Variants in STXBP5L observed in about 807,000 individuals in gnomAD.
The protein encoded by STXBP5L is syntaxin binding protein 5L.
STXBP5L carries 65 observed loss-of-function variants against 144.5 expected under a neutral mutation model. The observed-to-expected ratio is 0.45, with a 90% CI of 0.37 to 0.55. STXBP5L has a LOEUF of 0.55. STXBP5L is among the 20% of genes least tolerant of loss of function. The probability of loss-of-function intolerance (pLI) is 0.00; values close to 1 mark genes in which losing one functional copy is unlikely to be tolerated. For synonymous variants in STXBP5L, 505 were observed against 469.6 expected, an observed-to-expected ratio of 1.08 and a Z score of -0.97; for missense variants, 1,298 against 1,405.5, an observed-to-expected ratio of 0.92 and a Z score of 1.22.
intron 5 of STXBP5L, among the ~76,000 whole-genome samples, chr3:121,091,751 C>T (rs868054905): frequency 1.5e-4 from 23 of 152,092 alleles, no homozygotes; most frequent in Admixed American, 9.8e-4. Flanking sequence ...TGGTAGTTTC[C>T]TTTGCTGTGC....
intron 3 of STXBP5L, among the ~76,000 whole-genome samples, chr3:121,036,861 TC>T (rs1352866998): frequency 7.2e-6 from 1 of 139,820 alleles, no homozygotes; most frequent in Non-Finnish European, 1.5e-5. Flanking sequence ...TTTTAAATGT[TC>T]AACCAACATT....
intron 20 of STXBP5L, among the ~76,000 whole-genome samples, chr3:121,333,276 A>G (rs539618649): frequency 3.6e-4 from 55 of 152,210 alleles, no homozygotes; most frequent in African/African-American, 1.1e-3. Flanking sequence ...GCTCTACTTA[A>G]AATATACAGA....
At chr3:121,416,474 TA>T (rs1386340005) in intron 25 of STXBP5L, among the ~76,000 whole-genome samples, 3 of 138 alleles carry the variant, frequency 0.022, no homozygotes, top group South Asian at 0.25. Context: ...GGTAGATTTT[TA>T]TTTATTTATT....
In STXBP5L at chr3:121,381,319, T is replaced by C; in HGVS notation, c.2374T>C (p.Ser792Pro). Residue 792 changes from serine (S) to proline (P), a missense_variant, in exon 22 of 27, where the codon TCT (serine) becomes CCT (proline). Physicochemically the swap from Ser to Pro is moderately conservative, Grantham distance 74. Coordinates refer to ENST00000471454, the MANE Select transcript of STXBP5L (RefSeq NM_001308330.2). ...AAACCGAGAAAATTCCTATAATCGTTCTAGAAGCTCTAGTATCTCCAGTAT... is the reference window on the plus strand; with the variant it reads ...AAACCGAGAAAATTCCTATAATCGTCCTAGAAGCTCTAGTATCTCCAGTAT... ...EENRENSYNR[S>P]RSSSISSIDK... is the part of the protein sequence containing the mutation. 2 of 1,586,502 alleles carry C rather than the reference T, an allele frequency of 1.3e-6. No individual in the cohort carries two copies. The highest frequency in any genetic ancestry group is 1.7e-6 in the Non-Finnish European group (2 of 1,172,774).
At position 121,240,408 on chromosome 3, in the gene STXBP5L, GTATATA is replaced by G. The variant is rs746047242; in HGVS notation, c.1333-28_1333-23del. The G allele has an allele frequency of 1.1e-5, 17 of 1,592,696 alleles. No homozygotes were observed. The South Asian group carries it at 1.9e-4, about 18-fold the overall frequency. On this transcript the variant is annotated intron_variant, in intron 13 of 26. Transcript: ENST00000471454. ...TTAAATTTCTAAGCCATTTAAACAT[GTATATA>G]TATTCTTTCTGGATAATCTGTTTAG...
chr3:121,315,078 G>A (rs2043734134), intron 19 of STXBP5L, among the ~76,000 whole-genome samples: 2 of 152,180 alleles, frequency 1.3e-5, no homozygotes, highest in African/African-American at 2.4e-5. Context: ...TCAGTGTGGT[G>A]ATTCCTCAGG....
chr3:121,100,695 C>T (rs185447421), intron 5 of STXBP5L, among the ~76,000 whole-genome samples: 486 of 151,474 alleles, frequency 3.2e-3, no homozygotes, highest in East Asian at 7.4e-3. Context: ...AGTGGAAAAA[C>T]GAGAACAAAC....
At chr3:121,016,075 C>A (rs1425210701) in intron 3 of STXBP5L, among the ~76,000 whole-genome samples, 1 of 152,210 alleles carries the variant, frequency 6.6e-6, no homozygotes, top group Non-Finnish European at 1.5e-5. Flanking sequence ...AATTTGAAGT[C>A]TCTGGCATAT....
intron 5 of STXBP5L, among the ~76,000 whole-genome samples, chr3:121,060,127 T>C (rs758583381): frequency 2.3e-4 from 35 of 152,192 alleles, no homozygotes; most frequent in Non-Finnish European, 4.6e-4. Flanking sequence ...ATAGCTCTTA[T>C]TATTTTGAGA....
At chr3:120,977,116 C>T (rs1169563429) in intron 3 of STXBP5L, among the ~76,000 whole-genome samples, 1 of 152,146 alleles carries the variant, frequency 6.6e-6, no homozygotes, top group Non-Finnish European at 1.5e-5. Context: ...CTTTCTGTCT[C>T]ATTGATCTGT....
rs2046410307 is a variant in STXBP5L, at chr3:121,385,629, T to C, written c.2587+4097T>C. On this transcript the variant is annotated intron_variant, in intron 22 of 26. Transcript: ENST00000471454. ...TTAACAGAAATGTAATTAATAGCCA[T>C]CATACTACCTAAATAGCCTCCATAA... 2.0e-5 allele frequency among the ~76,000 whole-genome samples: 3 copies of C among 152,170 alleles called. No homozygotes were observed. The South Asian group carries it at 6.2e-4, about 32-fold the overall frequency.
intron 3 of STXBP5L, among the ~76,000 whole-genome samples, chr3:120,961,311 C>A (rs1407624780): frequency 6.7e-6 from 1 of 149,402 alleles, no homozygotes; most frequent in Admixed American, 6.7e-5. Context: ...TTCTAGGGTA[C>A]ACGTGCACAA....
intron 5 of STXBP5L, chr3:121,098,996 A>T (rs1397508944): frequency 6.6e-6 from 1 of 152,094 alleles, no homozygotes; most frequent in African/African-American, 2.4e-5. Flanking sequence ...CCCTGTATAT[A>T]TAGAGAGAGA....
intron 9 of STXBP5L, among the ~76,000 whole-genome samples, chr3:121,169,712 C>T (rs966346611): frequency 6.6e-6 from 1 of 152,116 alleles, no homozygotes; most frequent in Non-Finnish European, 1.5e-5. Context: ...TCTTAGAGAC[C>T]TACAATAAGA....
chr3:121,153,101 T>C (rs1444270255), intron 8 of STXBP5L, among the ~76,000 whole-genome samples: 1 of 152,112 alleles, frequency 6.6e-6, no homozygotes, highest in African/African-American at 2.4e-5. Flanking sequence ...GTGACACTTA[T>C]TAAATGACCA....
chr3:121,089,092 TAAAAAAA>T (rs375977537), intron 5 of STXBP5L, among the ~76,000 whole-genome samples: 8 of 56,150 alleles, frequency 1.4e-4, no homozygotes, highest in African/African-American at 3.5e-4. Flanking sequence ...TAGAGTATAA[TAAAAAAA>T]AAAAAAAAAA....
chr3:121,388,674 T>C (rs1420412637), intron 22 of STXBP5L, among the ~76,000 whole-genome samples: 2 of 152,224 alleles, frequency 1.3e-5, no homozygotes, highest in African/African-American at 4.8e-5. Flanking sequence ...TCATTGGTTC[T>C]GTTTATGTGA....
intron 3 of STXBP5L, among the ~76,000 whole-genome samples, chr3:121,037,395 G>A (rs1946837789): frequency 6.6e-6 from 1 of 151,874 alleles, no homozygotes; most frequent in South Asian, 2.1e-4. Context: ...TCACAGGTAT[G>A]TGCCACTGAA....
chr3:121,002,186 T>C (rs529241058), intron 3 of STXBP5L, among the ~76,000 whole-genome samples: 2 of 152,314 alleles, frequency 1.3e-5, no homozygotes, highest in South Asian at 4.1e-4. Flanking sequence ...GTACAGTTGT[T>C]TCTTTTTCTT....
Sources: gnomAD v4.1 joint callset for allele counts (sites outside exome capture counted in the v4.1 genomes callset) on GRCh38, gnomAD v4.1.1 for gene constraint, MANE v1.5 for transcripts, NCBI Gene and HGNC (gene_info 2026-07-23, HGNC 2026-07-21) for gene names.